OR51B5: variants seen among roughly 807,000 people sequenced by gnomAD.
The protein encoded by OR51B5 is olfactory receptor 51B5.
For missense variants in OR51B5, 456 were observed against 374.6 expected (o/e 1.22, Z -1.79); for synonymous variants, 186 against 144.8 (o/e 1.28, Z -2.04).
At chr11:5,497,880 A>AAATATTTCCT (rs1851671970) in intron 1 of OR51B5, among the ~76,000 whole-genome samples, 1 of 152,174 alleles carries the variant, frequency 6.6e-6, no homozygotes, top group African/African-American at 2.4e-5. Context: ...CCAGGAGCAT[A>AAATATTTCCT]GGTATGACAT....
intron 1 of OR51B5, chr11:5,351,885 C>A: frequency 6.2e-7 from 1 of 1,613,020 alleles, no homozygotes; most frequent in Admixed American, 1.7e-5. Flanking sequence ...CCATCCGCAG[C>A]CCCTTAAGAT....
chr11:5,479,370 A>G (rs1336590269), intron 1 of OR51B5, among the ~76,000 whole-genome samples: 1 of 151,596 alleles, frequency 6.6e-6, no homozygotes, highest in African/African-American at 2.4e-5. Flanking sequence ...AGCACTAAAC[A>G]TGGAAAGGAA....
intron 1 of OR51B5, among the ~76,000 whole-genome samples, chr11:5,496,154 T>G (rs907927961): frequency 6.6e-6 from 1 of 152,024 alleles, no homozygotes; most frequent in Non-Finnish European, 1.5e-5. Flanking sequence ...GTAGTCCACG[T>G]TGACTCTCAA....
At chr11:5,402,709 ACAT>A (rs771468113) in intron 1 of OR51B5, 2 of 471,302 alleles carry the variant, frequency 4.2e-6, no homozygotes, top group South Asian at 1.5e-5. Context: ...TCCCTGATAT[ACAT>A]CATCATTTTC....
chr11:5,379,882 C>G (rs970449166), intron 1 of OR51B5, among the ~76,000 whole-genome samples: 1 of 152,028 alleles, frequency 6.6e-6, no homozygotes, highest in Admixed American at 6.6e-5. Flanking sequence ...TGCACTTGCT[C>G]TTTGTCTGCT....
chr11:5,351,461 C>T, intron 1 of OR51B5: 1 of 1,469,838 alleles, frequency 6.8e-7, no homozygotes. Flanking sequence ...CAACTGATTA[C>T]TATTGCTTTA....
intron 1 of OR51B5, among the ~76,000 whole-genome samples, chr11:5,425,329 G>A (rs980922695): frequency 2.2e-4 from 34 of 152,282 alleles, no homozygotes; most frequent in African/African-American, 7.9e-4. Flanking sequence ...GAGGAGCACA[G>A]GCTACCATAA....
intron 1 of OR51B5, among the ~76,000 whole-genome samples, chr11:5,473,346 T>A (rs1281097142): frequency 6.6e-6 from 1 of 152,210 alleles, no homozygotes; most frequent in African/African-American, 2.4e-5. Context: ...GTCGGGGCCA[T>A]CTTGTATCAC....
chr11:5,383,139 G>C (rs556217828), intron 1 of OR51B5, among the ~76,000 whole-genome samples: 62 of 152,068 alleles, frequency 4.1e-4, no homozygotes, highest in Non-Finnish European at 1.3e-4. Context: ...AGAAAAGAAG[G>C]AAAAAAGTTT....
At chr11:5,468,562 T>G (rs1258835667) in intron 1 of OR51B5, 4 of 416,590 alleles carry the variant, frequency 9.6e-6, no homozygotes, top group African/African-American at 2.0e-5. Flanking sequence ...GATAATTGGG[T>G]AGAGCATTGG....
At chr11:5,348,024 T>TAAGA (rs1380734116), upstream of OR51B5, among the ~76,000 whole-genome samples, 1 of 150,064 alleles carries the variant, frequency 6.7e-6, no homozygotes, top group African/African-American at 2.4e-5. Context: ...ATCTCCTCTG[T>TAAGA]AAGATCTCAT....
At chr11:5,355,407 G>C (rs1472981753) in intron 1 of OR51B5, 1 of 154,984 alleles carries the variant, frequency 6.5e-6, no homozygotes, top group Non-Finnish European at 1.4e-5. Flanking sequence ...ATGCTGACAA[G>C]GCCTTCAACA....
intron 1 of OR51B5, among the ~76,000 whole-genome samples, chr11:5,461,646 C>T (rs747777456): frequency 2.0e-4 from 30 of 152,222 alleles, no homozygotes; most frequent in Non-Finnish European, 4.0e-4. Flanking sequence ...CTTGCACAGA[C>T]TGGAGTTCTG....
chr11:5,373,379 C>G (rs1230638883), intron 1 of OR51B5, among the ~76,000 whole-genome samples: 1 of 152,154 alleles, frequency 6.6e-6, no homozygotes, highest in Non-Finnish European at 1.5e-5. Context: ...CAGCTCTGGT[C>G]TACAGCTCCC....
intron 1 of OR51B5, chr11:5,453,292 T>A (rs1850885426): frequency 2.3e-6 from 1 of 427,978 alleles, no homozygotes; most frequent in Non-Finnish European, 4.1e-6. Context: ...AGGCTGATCA[T>A]CATAAAATAT....
intron 1 of OR51B5, among the ~76,000 whole-genome samples, chr11:5,468,077 T>G (rs571655268): frequency 1.3e-5 from 2 of 152,344 alleles, no homozygotes; most frequent in South Asian, 4.1e-4. Context: ...TTAAAGATAT[T>G]CAGAATGATT....
intron 1 of OR51B5, chr11:5,389,551 C>G: frequency 6.2e-7 from 1 of 1,613,960 alleles, no homozygotes; most frequent in East Asian, 2.2e-5. Context: ...TGGTTGCCAT[C>G]TCAGGCAATT....
chr11:5,387,458 A>G (rs757377240), intron 1 of OR51B5, among the ~76,000 whole-genome samples: 9 of 151,988 alleles, frequency 5.9e-5, no homozygotes, highest in African/African-American at 9.7e-5. Flanking sequence ...AATGTGGACT[A>G]TTTTTTACCC....
intron 1 of OR51B5, among the ~76,000 whole-genome samples, chr11:5,393,643 T>C (rs939903114): frequency 2.6e-5 from 4 of 152,140 alleles, no homozygotes; most frequent in Admixed American, 2.6e-4. Context: ...ATGCTAATGT[T>C]TATTAAGCAT....
Sources: allele counts gnomAD v4.1 joint callset (sites outside exome capture counted in the v4.1 genomes callset), GRCh38; gene constraint gnomAD v4.1.1; transcripts MANE v1.5; gene names NCBI Gene and HGNC (gene_info 2026-07-23, HGNC 2026-07-21).